The following MAML3 variants were observed in gnomAD, a reference collection of about 807,000 sequenced individuals.
MAML3 encodes the protein mastermind-like protein 3.
In MAML3, 27 loss-of-function variants were observed where a neutral mutation model predicts 101.9. That is an observed-to-expected ratio of 0.27 (90% CI 0.20 to 0.37). The LOEUF is 0.37. MAML3 is among the 10% of genes least tolerant of loss of function. The probability of loss-of-function intolerance (pLI) is 1.00; values close to 1 mark genes in which losing one functional copy is unlikely to be tolerated. For missense variants in MAML3, 1,316 were observed against 1,444.9 expected, an observed-to-expected ratio of 0.91 and a Z score of 1.45; for synonymous variants, 501 against 555.9, an observed-to-expected ratio of 0.90 and a Z score of 1.39.
intron 2 of MAML3, among the ~76,000 whole-genome samples, chr4:139,868,720 T>C (rs1454372200): frequency 6.6e-6 from 1 of 152,208 alleles, no homozygotes; most frequent in Non-Finnish European, 1.5e-5. Flanking sequence ...AAACATTGTC[T>C]TCACTTAAAA....
chr4:140,009,718 T>C (rs1414796281), intron 1 of MAML3, among the ~76,000 whole-genome samples: 3 of 152,312 alleles, frequency 2.0e-5, no homozygotes, highest in East Asian at 1.9e-4. Flanking sequence ...GGAACTATTC[T>C]AGGAGTCAAA....
chr4:140,045,959 T>C lies in MAML3; in HGVS notation c.468+106901A>G, dbSNP rs539454333. On this transcript the variant is annotated intron_variant, in intron 1 of 4. Transcript: ENST00000509479. The stretch of plus-strand genomic sequence containing the variant: ...TTTTGGTGCGTGAGAAAAAGAATAG[T>C]ATATGCAAAGGGAGAGGAATTGCAT... 1.4e-3 allele frequency among the ~76,000 whole-genome samples: 206 copies of C among 152,340 alleles called. 2 individuals are homozygous for C. The highest frequency in any genetic ancestry group is 4.7e-3 in the African/African-American group (197 of 41,580).
intron 1 of MAML3, among the ~76,000 whole-genome samples, chr4:140,120,428 T>C (rs1454411477): frequency 6.6e-6 from 1 of 152,232 alleles, no homozygotes; most frequent in Non-Finnish European, 1.5e-5. Context: ...TTAAAAGGCT[T>C]CGTATCATTC....
intron 2 of MAML3, among the ~76,000 whole-genome samples, chr4:139,869,126 A>G (rs1039584695): frequency 6.6e-6 from 1 of 152,238 alleles, no homozygotes; most frequent in Admixed American, 6.5e-5. Flanking sequence ...TGCAAAGAGA[A>G]GATAGATTGA....
At chr4:139,754,406 C>T (rs762667345) in intron 2 of MAML3, among the ~76,000 whole-genome samples, 8 of 152,198 alleles carry the variant, frequency 5.3e-5, no homozygotes, top group Non-Finnish European at 8.8e-5. Flanking sequence ...CAATGTATTT[C>T]CAACCAAAAC....
At chr4:139,746,124 A>C (rs932122251) in intron 2 of MAML3, among the ~76,000 whole-genome samples, 4 of 152,242 alleles carry the variant, frequency 2.6e-5, no homozygotes, top group African/African-American at 7.2e-5. Flanking sequence ...ATAAGCTCTC[A>C]GTTGGATTTT....
At chr4:139,980,812 T>C (rs1734430922) in intron 1 of MAML3, among the ~76,000 whole-genome samples, 1 of 152,068 alleles carries the variant, frequency 6.6e-6, no homozygotes. Context: ...AAACAAGTAA[T>C]AATAATAATA....
intron 2 of MAML3, among the ~76,000 whole-genome samples, chr4:139,762,293 G>C (rs1425262212): frequency 1.3e-5 from 2 of 152,210 alleles, no homozygotes; most frequent in Non-Finnish European, 2.9e-5. Context: ...GAACAGAAAG[G>C]ATGCAGCTTC....
chr4:140,128,015 A>G (rs1348068895), intron 1 of MAML3: 1 of 152,230 alleles, frequency 6.6e-6, no homozygotes, highest in African/African-American at 2.4e-5. Context: ...GCCTTCGTCC[A>G]GTGCCTCACA....
Position 139,722,046 on chromosome 4 carries a change from T to C in MAML3, c.2417-1723A>G, listed in dbSNP as rs959989246. Among the ~76,000 whole-genome samples, 4 of 152,292 alleles carry C rather than the reference T, an allele frequency of 2.6e-5. No individual in the cohort carries two copies. The South Asian group carries it at 8.3e-4, about 32-fold the overall frequency. ...AAACAGTCTGATGGGCTGCTAGAAA[T>C]AGATGAAAGGACATCTATAATTTGG... is the stretch of plus-strand genomic sequence containing the variant. On this transcript the variant is annotated intron_variant, in intron 4 of 4. Coordinates refer to ENST00000509479, the MANE Select transcript of MAML3 (RefSeq NM_018717.5).
chr4:139,950,822 G>T (rs1733819702), intron 1 of MAML3, among the ~76,000 whole-genome samples: 1 of 152,164 alleles, frequency 6.6e-6, no homozygotes, highest in African/African-American at 2.4e-5. Context: ...GCCAAGCTCT[G>T]CCCAAGGGAA....
rs9999045 is a variant in MAML3 at position 139,999,850 on chromosome 4, T to G, written c.469-108883A>C. ...TAGGTTAAGCCATTTGGGGCCTCAG[T>G]TCTGGATATACATTAAGAACTCAGT... On this transcript the variant is annotated intron_variant, in intron 1 of 4. Coordinates refer to ENST00000509479, the MANE Select transcript of MAML3 (RefSeq NM_018717.5). Among the ~76,000 whole-genome samples the G allele has an allele frequency of 2.7e-3, 405 of 152,118 alleles. 4 individuals are homozygous for G. Among genetic ancestry groups the G allele is most frequent in the African/African-American group, 9.2e-3 (382 of 41,486 alleles).
intron 2 of MAML3, among the ~76,000 whole-genome samples, chr4:139,774,696 G>C (rs959939024): frequency 1.3e-5 from 2 of 152,150 alleles, no homozygotes; most frequent in African/African-American, 4.8e-5. Context: ...TCATGTTTAA[G>C]AACTAATAGA....
intron 1 of MAML3, among the ~76,000 whole-genome samples, chr4:140,097,616 G>A (rs1052911482): frequency 1.3e-5 from 2 of 149,794 alleles, no homozygotes; most frequent in African/African-American, 4.9e-5. Flanking sequence ...GAAGGAAGAC[G>A]GGGTGAAGAG....
chr4:139,991,344 G>C (rs1734667717), intron 1 of MAML3, among the ~76,000 whole-genome samples: 2 of 152,152 alleles, frequency 1.3e-5, no homozygotes, highest in Non-Finnish European at 2.9e-5. Context: ...AAACAGGCTA[G>C]CCATATGTAG....
intron 2 of MAML3, among the ~76,000 whole-genome samples, chr4:139,790,372 C>A (rs1431644388): frequency 6.6e-6 from 1 of 150,442 alleles, no homozygotes; most frequent in Non-Finnish European, 1.5e-5. Flanking sequence ...ACAGAACAAA[C>A]CACTTTTTTT....
chr4:139,862,185 G>A (rs529320930), intron 2 of MAML3, among the ~76,000 whole-genome samples: 30 of 152,142 alleles, frequency 2.0e-4, no homozygotes, highest in South Asian at 4.1e-4. Flanking sequence ...CTCCAGCCTG[G>A]GCAACAAAAG....
chr4:140,104,116 T>A (rs1369784115), intron 1 of MAML3, among the ~76,000 whole-genome samples: 2 of 142,740 alleles, frequency 1.4e-5, no homozygotes, highest in Non-Finnish European at 3.2e-5. Context: ...ACAAATGTAG[T>A]GGCTCATGCC....
intron 1 of MAML3, among the ~76,000 whole-genome samples, chr4:140,104,376 A>ATTATATATATT (rs1553976036): frequency 1.4e-5 from 1 of 69,368 alleles, no homozygotes; most frequent in African/African-American, 4.3e-5. Flanking sequence ...ATATATATAT[A>ATTATATATATT]ATATATATAT....
Sources: gnomAD v4.1 joint callset for allele counts (sites outside exome capture counted in the v4.1 genomes callset) on GRCh38, gnomAD v4.1.1 for gene constraint, MANE v1.5 for transcripts, NCBI Gene and HGNC (gene_info 2026-07-23, HGNC 2026-07-21) for gene names.